Variants in JAKMIP2 observed in about 807,000 individuals in gnomAD.
The protein encoded by JAKMIP2 is janus kinase and microtubule-interacting protein 2.
JAKMIP2 carries 25 observed loss-of-function variants against 115.0 expected under a neutral mutation model. The ratio of observed to expected loss-of-function variants is 0.22; its 90% CI spans 0.16 to 0.30. JAKMIP2 has a LOEUF of 0.30. Ranked by LOEUF, JAKMIP2 falls within the 10% of genes least tolerant of loss-of-function variation. The pLI is 1.00. For synonymous variants in JAKMIP2, 334 were observed against 343.6 expected (o/e 0.97, Z 0.31); for missense variants, 642 against 957.6 (o/e 0.67, Z 4.35).
chr5:147,718,401 A>G (rs1230008304), intron 1 of JAKMIP2, among the ~76,000 whole-genome samples: 4 of 151,670 alleles, frequency 2.6e-5, no homozygotes, highest in Admixed American at 1.3e-4. Context: ...TCTATTGATT[A>G]GAATAGTTTC....
chr5:147,603,426 T>C (rs990332393), intron 20 of JAKMIP2, among the ~76,000 whole-genome samples: 3 of 152,218 alleles, frequency 2.0e-5, no homozygotes, highest in African/African-American at 7.2e-5. Context: ...AGGTTTGTTG[T>C]TACCAACTGA....
intron 1 of JAKMIP2, among the ~76,000 whole-genome samples, chr5:147,756,976 A>G (rs78457825): frequency 0.017 from 2,648 of 152,254 alleles, 94 homozygotes; most frequent in African/African-American, 0.061. Context: ...CCTTCACACA[A>G]TTTATGCTAT....
intron 1 of JAKMIP2, among the ~76,000 whole-genome samples, chr5:147,780,695 C>T (rs1334695380): frequency 6.6e-6 from 1 of 152,110 alleles, no homozygotes; most frequent in Non-Finnish European, 1.5e-5. Context: ...GGGCCCTTCT[C>T]ATGTATAAAC....
intron 1 of JAKMIP2, among the ~76,000 whole-genome samples, chr5:147,676,140 T>C (rs1759942931): frequency 6.6e-6 from 1 of 152,094 alleles, no homozygotes; most frequent in Admixed American, 6.5e-5. Context: ...AAGACCATGC[T>C]GGCTAACGCG....
intron 1 of JAKMIP2, among the ~76,000 whole-genome samples, chr5:147,681,974 A>T (rs762397820): frequency 2.9e-4 from 44 of 151,648 alleles, no homozygotes; most frequent in Non-Finnish European, 3.7e-4. Context: ...TGGGAGGTCA[A>T]GGTTGCAGTG....
intron 21 of JAKMIP2, among the ~76,000 whole-genome samples, chr5:147,596,521 A>G (rs1755397351): frequency 6.6e-6 from 1 of 152,216 alleles, no homozygotes; most frequent in Admixed American, 6.5e-5. Flanking sequence ...CGACAACTCT[A>G]TTCATGGTTC....
intron 5 of JAKMIP2, among the ~76,000 whole-genome samples, chr5:147,645,751 T>C (rs1350394685): frequency 6.6e-6 from 1 of 152,274 alleles, no homozygotes; most frequent in East Asian, 1.9e-4. Context: ...CAGTGGAGGA[T>C]GTTTAGCGGC....
chr5:147,679,092 C>T (rs550116224), intron 1 of JAKMIP2, among the ~76,000 whole-genome samples: 8 of 152,024 alleles, frequency 5.3e-5, no homozygotes, highest in Admixed American at 3.3e-4. Context: ...ATAATTCTCA[C>T]GCCTCAGCCT....
At chr5:147,720,796 G>A (rs1580832224) in intron 1 of JAKMIP2, among the ~76,000 whole-genome samples, 2 of 151,602 alleles carry the variant, frequency 1.3e-5, no homozygotes, top group Non-Finnish European at 2.9e-5. Flanking sequence ...TGGTTTGAAT[G>A]TCCTCCCGTA....
intron 11 of JAKMIP2, 55 bp from the exon 12 acceptor site, chr5:147,636,339 T>G (rs1757614692): frequency 6.8e-7 from 1 of 1,471,582 alleles, no homozygotes; most frequent in African/African-American, 1.4e-5. Flanking sequence ...CGAAAGAGCC[T>G]GTGTTGTCAA....
intron 1 of JAKMIP2, among the ~76,000 whole-genome samples, chr5:147,748,426 G>T (rs939836346): frequency 7.2e-5 from 11 of 152,050 alleles, no homozygotes; most frequent in Non-Finnish European, 1.5e-4. Flanking sequence ...TAGGTAGATA[G>T]CGAGGGTAAA....
chr5:147,594,969 G>A (rs759610974), intron 21 of JAKMIP2, among the ~76,000 whole-genome samples: 19 of 152,012 alleles, frequency 1.2e-4, no homozygotes, highest in Admixed American at 5.2e-4. Flanking sequence ...CCACTGAGAC[G>A]GGAAGGATGA....
intron 1 of JAKMIP2, among the ~76,000 whole-genome samples, chr5:147,718,703 G>T (rs1472676892): frequency 3.3e-5 from 5 of 152,072 alleles, no homozygotes; most frequent in Admixed American, 2.6e-4. Context: ...ATCCCCTTTA[G>T]CATTTTTTAT....
chr5:147,736,999 T>G (rs1207223024), intron 1 of JAKMIP2, among the ~76,000 whole-genome samples: 8 of 152,182 alleles, frequency 5.3e-5, no homozygotes, highest in Admixed American at 5.2e-4. Flanking sequence ...CTATCTGATG[T>G]CAGGCCCAGC....
chr5:147,708,384 G>A (rs1243033781), intron 1 of JAKMIP2, among the ~76,000 whole-genome samples: 1 of 152,130 alleles, frequency 6.6e-6, no homozygotes, highest in African/African-American at 2.4e-5. Context: ...TCTGAGATGA[G>A]GACTAGGCAT....
intron 16 of JAKMIP2, among the ~76,000 whole-genome samples, chr5:147,625,020 A>T (rs1270797359): frequency 6.6e-6 from 1 of 152,020 alleles, no homozygotes; most frequent in African/African-American, 2.4e-5. Flanking sequence ...TCACTCTGTC[A>T]CCCAGGCTGG....
At chr5:147,721,200 G>T (rs1280210331) in intron 1 of JAKMIP2, among the ~76,000 whole-genome samples, 8 of 151,654 alleles carry the variant, frequency 5.3e-5, no homozygotes, top group Admixed American at 1.3e-4. Flanking sequence ...GAGGCAGTCT[G>T]CCCGTTCTCA....
At position 147,636,179 on chromosome 5, in the gene JAKMIP2, T is replaced by A. The variant is rs752568386; in HGVS notation, c.1677+43A>T. ...CCCCCTGCTGCTCCTGGATCTCTCA[T>A]GATTTTCTCCTCTGCCCCGCTAGGG... On this transcript the variant is annotated intron_variant, in intron 12 of 21. Coordinates refer to ENST00000616793, the MANE Select transcript of JAKMIP2 (RefSeq NM_001270941.2). 7 of 1,541,038 alleles carry A rather than the reference T, an allele frequency of 4.5e-6. No individual in the cohort carries two copies. In the Admixed American group the frequency reaches 1.0e-4, roughly 22 times the overall value.
At position 147,618,067 on chromosome 5, in the gene JAKMIP2, T is replaced by C; in HGVS notation, c.2190A>G (p.Glu730=). ...ATAATTCACCAAACTTGATAACAGTTTCTTGCTGTAGAGCATTGTACAAAG... is the reference window on the plus strand; with the variant it reads ...ATAATTCACCAAACTTGATAACAGTCTCTTGCTGTAGAGCATTGTACAAAG... ...EATLYNALQQ[E]TVIKFGELLS... The change falls in exon 19 of 22, where the codon GAA becomes GAG. Residue 730 remains glutamate, a synonymous_variant. Coordinates refer to ENST00000616793, the MANE Select transcript of JAKMIP2 (RefSeq NM_001270941.2). The C allele has an allele frequency of 6.2e-7, 1 of 1,614,166 alleles. No individual in the cohort carries two copies. Among genetic ancestry groups the C allele is most frequent in the Non-Finnish European group, 8.5e-7 (1 of 1,179,980 alleles).
Sources: allele counts gnomAD v4.1 joint callset (sites outside exome capture counted in the v4.1 genomes callset), GRCh38; gene constraint gnomAD v4.1.1; transcripts MANE v1.5; gene names NCBI Gene and HGNC (gene_info 2026-07-23, HGNC 2026-07-21).